POU6F2: variants seen among roughly 807,000 people sequenced by gnomAD.
The protein encoded by POU6F2 is POU class 6 homeobox 2.
Under a neutral mutation model 71.3 loss-of-function variants are expected in POU6F2, and 31 were observed. The ratio of observed to expected loss-of-function variants is 0.43; its 90% CI spans 0.33 to 0.59. POU6F2 has a LOEUF of 0.59. Ranked by LOEUF, POU6F2 falls within the 20% of genes least tolerant of loss-of-function variation. The pLI is 0.04. For synonymous variants in POU6F2, 347 were observed against 355.7 expected (o/e 0.98, Z 0.27); for missense variants, 783 against 856.8 (o/e 0.91, Z 1.07).
intron 2 of POU6F2, among the ~76,000 whole-genome samples, chr7:39,108,863 C>A (rs1434230430): frequency 6.6e-6 from 1 of 152,222 alleles, no homozygotes; most frequent in Middle Eastern, 3.4e-3. Context: ...TAATTTGCAA[C>A]ACAAAGTATA....
At chr7:39,208,939 T>A (rs1408983962) in intron 4 of POU6F2, among the ~76,000 whole-genome samples, 1 of 152,180 alleles carries the variant, frequency 6.6e-6, no homozygotes, top group African/African-American at 2.4e-5. Flanking sequence ...AGCCTTCCGT[T>A]TGGAACATTT....
intron 6 of POU6F2, among the ~76,000 whole-genome samples, chr7:39,419,115 A>ATATACG (rs1787782216): frequency 1.8e-5 from 1 of 56,254 alleles, no homozygotes; most frequent in Non-Finnish European, 3.8e-5. Context: ...ATATATACGT[A>ATATACG]TATATGTGTA....
intron 1 of POU6F2, among the ~76,000 whole-genome samples, chr7:39,005,403 G>A (rs866434521): frequency 6.6e-6 from 1 of 151,932 alleles, no homozygotes; most frequent in Non-Finnish European, 1.5e-5. Flanking sequence ...TCCTGCCACA[G>A]CACACAAAAG....
chr7:39,120,160 A>G (rs777995794), intron 2 of POU6F2, among the ~76,000 whole-genome samples: 1 of 152,150 alleles, frequency 6.6e-6, no homozygotes, highest in African/African-American at 2.4e-5. Context: ...TATACTTCAT[A>G]TATCTGATTT....
chr7:39,009,791 T>C (rs1240993522), intron 1 of POU6F2, among the ~76,000 whole-genome samples: 3 of 151,256 alleles, frequency 2.0e-5, no homozygotes, highest in Admixed American at 1.3e-4. Context: ...CATGTGGTTT[T>C]TGTCTTTGGC....
At chr7:39,361,518 A>G (rs1412615977) in intron 5 of POU6F2, among the ~76,000 whole-genome samples, 2 of 152,216 alleles carry the variant, frequency 1.3e-5, no homozygotes, top group Non-Finnish European at 2.9e-5. Flanking sequence ...ACTAAAATGC[A>G]TTTGGGGATT....
At chr7:39,461,271 G>A (rs1168434712) in intron 9 of POU6F2, among the ~76,000 whole-genome samples, 3 of 152,140 alleles carry the variant, frequency 2.0e-5, no homozygotes, top group Non-Finnish European at 4.4e-5. Context: ...TGCTTTAAAT[G>A]GCTCAGAAAA....
chr7:39,214,240 C>A (rs1435582063), intron 4 of POU6F2, among the ~76,000 whole-genome samples: 1 of 152,182 alleles, frequency 6.6e-6, no homozygotes, highest in Non-Finnish European at 1.5e-5. Context: ...GTGTTCTTTG[C>A]ACGTACTCCT....
intron 1 of POU6F2, among the ~76,000 whole-genome samples, chr7:39,015,250 CTATAT>C (rs1464896524): frequency 7.2e-6 from 1 of 139,842 alleles, no homozygotes; most frequent in Non-Finnish European, 1.5e-5. Context: ...TTATATATAT[CTATAT>C]TATATCTAGA....
intron 5 of POU6F2, 36 bp downstream of exon 5, chr7:39,340,051 C>T: frequency 6.4e-7 from 1 of 1,553,962 alleles, no homozygotes; most frequent in South Asian, 1.2e-5. Context: ...CCCCTAGGAG[C>T]ACCAAGGACC....
intron 2 of POU6F2, among the ~76,000 whole-genome samples, chr7:39,190,926 C>T (rs925190408): frequency 3.3e-5 from 5 of 152,206 alleles, no homozygotes; most frequent in South Asian, 2.1e-4. Context: ...TGAACCACCA[C>T]GCCCAGCTGA....
At chr7:39,218,516 G>C (rs1794286345) in intron 4 of POU6F2, among the ~76,000 whole-genome samples, 1 of 152,126 alleles carries the variant, frequency 6.6e-6, no homozygotes. Context: ...TTATTTCTCA[G>C]CTCCCTCTCG....
intron 5 of POU6F2, among the ~76,000 whole-genome samples, chr7:39,399,963 C>T (rs1787261985): frequency 3.3e-5 from 5 of 152,202 alleles, no homozygotes; most frequent in Admixed American, 3.3e-4. Flanking sequence ...ACCACCCTCC[C>T]AGCCCATGGA....
intron 1 of POU6F2, among the ~76,000 whole-genome samples, chr7:39,002,503 A>G (rs1788943266): frequency 6.6e-6 from 1 of 152,170 alleles, no homozygotes; most frequent in Non-Finnish European, 1.5e-5. Flanking sequence ...ACGTGCCGCT[A>G]TGCCTGGCTA....
chr7:39,443,574 C>A (rs1374240432), intron 7 of POU6F2, among the ~76,000 whole-genome samples: 1 of 152,134 alleles, frequency 6.6e-6, no homozygotes, highest in Non-Finnish European at 1.5e-5. Context: ...TTGGCATTGG[C>A]TCCAGTTGAG....
intron 1 of POU6F2, among the ~76,000 whole-genome samples, chr7:39,068,490 CATAT>C (rs3057275): frequency 0.26 from 38,021 of 146,652 alleles, 5,611 homozygotes; most frequent in East Asian, 0.73. Context: ...CTAGTACATG[CATAT>C]ATATATATAT....
At chr7:39,431,641 G>A (rs554182581) in intron 6 of POU6F2, among the ~76,000 whole-genome samples, 3 of 152,152 alleles carry the variant, frequency 2.0e-5, no homozygotes, top group Non-Finnish European at 4.4e-5. Context: ...ATGGAAAAGC[G>A]AGCACGTGGG....
At chr7:39,221,348 A>G (rs774682679) in intron 4 of POU6F2, among the ~76,000 whole-genome samples, 4 of 142,836 alleles carry the variant, frequency 2.8e-5, no homozygotes, top group Non-Finnish European at 4.6e-5. Flanking sequence ...TTTATGCGCA[A>G]TTTCCATTGA....
chr7:39,458,706 T>C (rs943610803), intron 8 of POU6F2, among the ~76,000 whole-genome samples: 7 of 152,118 alleles, frequency 4.6e-5, no homozygotes, highest in Non-Finnish European at 1.5e-5. Flanking sequence ...ACCAATTTTA[T>C]AGTCACTGCC....
Sources: gnomAD v4.1 joint callset for allele counts (sites outside exome capture counted in the v4.1 genomes callset) on GRCh38, gnomAD v4.1.1 for gene constraint, MANE v1.5 for transcripts, NCBI Gene and HGNC (gene_info 2026-07-23, HGNC 2026-07-21) for gene names.